Variants in RHBDL3 observed in about 807,000 individuals in gnomAD.
RHBDL3 encodes rhomboid-related protein 3.
Under a neutral mutation model 48.2 loss-of-function variants are expected in RHBDL3, and 28 were observed. The observed-to-expected ratio is 0.58, with a 90% CI of 0.43 to 0.80. The LOEUF is 0.80. Among genes scored for constraint, RHBDL3 ranks in the 30% least tolerant of loss-of-function variants. The probability of loss-of-function intolerance (pLI) is 0.00; values close to 1 mark genes in which losing one functional copy is unlikely to be tolerated. For synonymous variants in RHBDL3, 208 were observed against 232.3 expected, an observed-to-expected ratio of 0.90 and a Z score of 0.95; for missense variants, 464 against 542.7, an observed-to-expected ratio of 0.85 and a Z score of 1.44.
intron 3 of RHBDL3, among the ~76,000 whole-genome samples, chr17:32,286,739 C>T (rs932009493): frequency 4.6e-5 from 7 of 152,162 alleles, no homozygotes; most frequent in South Asian, 4.1e-4. Context: ...TAGTACAGAC[C>T]GCCACACTGC....
At chr17:32,270,155 A>G (rs936794773) in intron 2 of RHBDL3, among the ~76,000 whole-genome samples, 1 of 151,078 alleles carries the variant, frequency 6.6e-6, no homozygotes, top group Non-Finnish European at 1.5e-5. Context: ...AAAAAAAAAA[A>G]AAGAAGCAAG....
At chr17:32,317,168 TG>T (rs1418367230) in intron 8 of RHBDL3, among the ~76,000 whole-genome samples, 1 of 152,156 alleles carries the variant, frequency 6.6e-6, no homozygotes, top group African/African-American at 2.4e-5. Flanking sequence ...CCACCATGCC[TG>T]GCCCCAGCCT....
chr17:32,283,668 A>G (rs1386471373), intron 2 of RHBDL3, among the ~76,000 whole-genome samples: 4 of 152,164 alleles, frequency 2.6e-5, no homozygotes, highest in Non-Finnish European at 5.9e-5. Context: ...TTCATGGAAA[A>G]TCAGTGCCTG....
intron 2 of RHBDL3, among the ~76,000 whole-genome samples, chr17:32,271,179 A>G (rs1452006748): frequency 3.3e-5 from 5 of 152,146 alleles, no homozygotes; most frequent in African/African-American, 1.2e-4. Flanking sequence ...ATGCCCTTTT[A>G]TTTCCTACTA....
chr17:32,320,889 A>G, intron 8 of RHBDL3, 69 bp from the exon 9 acceptor site: 1 of 1,096,022 alleles, frequency 9.1e-7, no homozygotes, highest in South Asian at 1.4e-5. Context: ...TGGGTGGGTG[A>G]TGAAGTGAAG....
intron 4 of RHBDL3, among the ~76,000 whole-genome samples, chr17:32,291,876 A>G (rs1395698601): frequency 6.7e-6 from 1 of 150,288 alleles, no homozygotes; most frequent in African/African-American, 2.5e-5. Flanking sequence ...GGTTCAAGCA[A>G]TTCTCCTGCC....
intron 2 of RHBDL3, among the ~76,000 whole-genome samples, chr17:32,277,514 C>T (rs553664107): frequency 2.0e-5 from 3 of 152,324 alleles, no homozygotes; most frequent in South Asian, 2.1e-4. Flanking sequence ...CCTGAGAGCT[C>T]GGCTCAGTGG....
chr17:32,267,877 C>T (rs762082200), intron 1 of RHBDL3, 25 bp from the exon 2 acceptor site: 41 of 1,613,904 alleles, frequency 2.5e-5, no homozygotes, highest in Non-Finnish European at 1.3e-5. Context: ...TTCTTCCTCT[C>T]CTGCATGGCC....
chr17:32,299,875 T>C lies in RHBDL3; in HGVS notation c.781+1671T>C, dbSNP rs1180495169. Among the ~76,000 whole-genome samples the C allele has an allele frequency of 1.5e-4, 23 of 152,176 alleles. 1 individual carries two copies. The highest frequency in any genetic ancestry group is 1.3e-4 in the Non-Finnish European group (9 of 68,038). ...GAGGGCACTCTGGTCACCACACATG[T>C]CATTGATCTCCATGATTGAGTTGAT... On this transcript the variant is annotated intron_variant, in intron 6 of 8. Transcript: ENST00000269051.
At chr17:32,274,790 GTA>G (rs2039854371) in intron 2 of RHBDL3, among the ~76,000 whole-genome samples, 1 of 137,854 alleles carries the variant, frequency 7.3e-6, no homozygotes, top group Non-Finnish European at 1.6e-5. Context: ...AGTCGCATGT[GTA>G]TATATGTGTG....
In RHBDL3 at chr17:32,305,346, T is replaced by C; in HGVS notation, c.787T>C (p.Leu263=). ...TCGCTGTCTTTCTGTACTAGGGTCC[T>C]TGGCAGTGTCTGTGGCTGACATGAC... ...VYVAGVVAGS[L]AVSVADMTAP... is the part of the protein sequence containing the mutation. The change falls in exon 7 of 9, where the codon TTG becomes CTG. Residue 263 remains leucine, a synonymous_variant. Transcript: ENST00000269051. The C allele has an allele frequency of 2.5e-6, 4 of 1,611,882 alleles. No homozygotes were observed. The highest frequency in any genetic ancestry group is 3.3e-4 in the Middle Eastern group (2 of 6,058).
chr17:32,306,418 C>T (rs1241072928), intron 7 of RHBDL3, among the ~76,000 whole-genome samples: 2 of 151,666 alleles, frequency 1.3e-5, no homozygotes, highest in African/African-American at 2.4e-5. Context: ...AGCGAGACTC[C>T]GTCTCAAAAA....
intron 4 of RHBDL3, among the ~76,000 whole-genome samples, chr17:32,290,220 G>A (rs1411959029): frequency 2.6e-5 from 4 of 152,174 alleles, no homozygotes; most frequent in East Asian, 1.9e-4. Context: ...AACCCAACAC[G>A]AATTATAGCT....
At chr17:32,293,419 T>TA (rs1312372526) in intron 4 of RHBDL3, among the ~76,000 whole-genome samples, 2 of 151,886 alleles carry the variant, frequency 1.3e-5, no homozygotes, top group Non-Finnish European at 2.9e-5. Flanking sequence ...CCATCTCTAC[T>TA]AAAAATTCAA....
chr17:32,292,801 C>CA (rs60403728), intron 4 of RHBDL3, among the ~76,000 whole-genome samples: 2,538 of 76,952 alleles, frequency 0.033, 135 homozygotes, highest in African/African-American at 0.096. Context: ...GACTCCACCT[C>CA]AAAAAAAAAA....
chr17:32,290,168 C>A (rs1026213868), intron 4 of RHBDL3, among the ~76,000 whole-genome samples: 1 of 152,154 alleles, frequency 6.6e-6, no homozygotes, highest in Non-Finnish European at 1.5e-5. Flanking sequence ...AATACAGCTA[C>A]CAGGGGCCTA....
At chr17:32,317,019 G>A (rs1716766508) in intron 8 of RHBDL3, among the ~76,000 whole-genome samples, 1 of 151,692 alleles carries the variant, frequency 6.6e-6, no homozygotes, top group Admixed American at 6.6e-5. Context: ...TTACAGGCAC[G>A]TGCCACCACG....
intron 2 of RHBDL3, among the ~76,000 whole-genome samples, chr17:32,269,969 G>A (rs1356936317): frequency 3.3e-5 from 5 of 151,878 alleles, no homozygotes; most frequent in Non-Finnish European, 7.4e-5. Context: ...GGTAGGTCCT[G>A]GGTCCTGGGT....
intron 3 of RHBDL3, among the ~76,000 whole-genome samples, chr17:32,286,603 G>C (rs2040204868): frequency 6.6e-6 from 1 of 152,222 alleles, no homozygotes; most frequent in Non-Finnish European, 1.5e-5. Flanking sequence ...TATTTTTGAT[G>C]TCTCTTAATG....
Sources: gnomAD v4.1 joint callset for allele counts (sites outside exome capture counted in the v4.1 genomes callset) on GRCh38, gnomAD v4.1.1 for gene constraint, MANE v1.5 for transcripts, NCBI Gene and HGNC (gene_info 2026-07-23, HGNC 2026-07-21) for gene names.